Variants in KIF17 observed in about 807,000 individuals in gnomAD.
KIF17 encodes the protein kinesin-like protein KIF17.
Under a neutral mutation model 96.8 loss-of-function variants are expected in KIF17, and 80 were observed. The ratio of observed to expected loss-of-function variants is 0.83; its 90% confidence interval spans 0.69 to 1.00. The LOEUF (loss-of-function observed/expected upper bound fraction) is 1.00. Among genes scored for constraint, KIF17 ranks in the 50% least tolerant of loss-of-function variants. KIF17 has a pLI of 0.00. For synonymous variants in KIF17, 567 were observed against 587.5 expected, an observed-to-expected ratio of 0.97 and a Z score of 0.51; for missense variants, 1,280 against 1,372.9, an observed-to-expected ratio of 0.93 and a Z score of 1.07.
At chr1:20,698,150 G>T (rs1273703116) in intron 6 of KIF17, among the ~76,000 whole-genome samples, 1 of 152,194 alleles carries the variant, frequency 6.6e-6, no homozygotes, top group Non-Finnish European at 1.5e-5. Flanking sequence ...CCCTAAGGCG[G>T]CATTGAATGC....
chr1:20,711,333 A>G (rs2054432044), intron 3 of KIF17, among the ~76,000 whole-genome samples: 1 of 151,920 alleles, frequency 6.6e-6, no homozygotes, highest in Non-Finnish European at 1.5e-5. Flanking sequence ...CTGCTCCCAC[A>G]CTTGTGATGG....
chr1:20,688,090 G>A (rs978856676), intron 7 of KIF17, 146 bp from the exon 8 acceptor site: 36 of 695,812 alleles, frequency 5.2e-5, no homozygotes, highest in Middle Eastern at 7.9e-4. Flanking sequence ...TCTGTCGCCC[G>A]GGCTGGAGTG....
At chr1:20,662,251 G>A (rs1177626954), downstream of KIF17, among the ~76,000 whole-genome samples, 1 of 152,152 alleles carries the variant, frequency 6.6e-6, no homozygotes, top group East Asian at 1.9e-4. Context: ...ACCTCTTCTA[G>A]GTTAATACAG....
chr1:20,667,040 C>T lies in KIF17; in HGVS notation c.2791-709G>A, dbSNP rs72978880. Among the ~76,000 whole-genome samples, 1,314 of 152,248 alleles carry T rather than the reference C, an allele frequency of 8.6e-3. 15 individuals carry two copies. Among genetic ancestry groups the T allele is most frequent in the African/African-American group, 0.024 (1,001 of 41,520 alleles). On this transcript the variant is annotated intron_variant, in intron 13 of 14. Coordinates refer to ENST00000400463, the MANE Select transcript of KIF17 (RefSeq NM_001122819.3). ...AGGCAGAGCCAATCAGAATCTCTCCCCAAGCTCTAGTTTCAGGATGCTTTA... is the reference window on the plus strand; with the variant it reads ...AGGCAGAGCCAATCAGAATCTCTCCTCAAGCTCTAGTTTCAGGATGCTTTA...
rs947628817 is a variant in KIF17 at position 20,664,119 on chromosome 1, G to C, written c.*465C>G. ...CAGGAAGACCTGCTGTGGGACCCCT[G>C]TGCCACCCCATGGGGCAGGGCAGTG... On this transcript the variant is annotated 3_prime_UTR_variant, in exon 15 of 15. Transcript: ENST00000400463. 2 of 246,356 alleles carry C rather than the reference G, an allele frequency of 8.1e-6. No homozygotes were observed. The highest frequency in any genetic ancestry group is 5.6e-5 in the South Asian group (1 of 17,742). The allele number at this position is 246,356 out of a possible 1,614,324, so 15.3% of individuals were successfully genotyped here.
intron 3 of KIF17, among the ~76,000 whole-genome samples, chr1:20,710,734 G>T (rs1221246827): frequency 6.6e-6 from 1 of 152,158 alleles, no homozygotes; most frequent in Admixed American, 6.5e-5. Flanking sequence ...GTGGGTGGGG[G>T]TCGGGGCGAG....
At chr1:20,677,310 G>A (rs2053754886) in intron 11 of KIF17, among the ~76,000 whole-genome samples, 1 of 152,216 alleles carries the variant, frequency 6.6e-6, no homozygotes, top group African/African-American at 2.4e-5. Context: ...CAATCCTTAT[G>A]GAGGAGAAGT....
intron 12 of KIF17, among the ~76,000 whole-genome samples, chr1:20,671,112 T>C (rs1570432378): frequency 6.6e-6 from 1 of 152,144 alleles, no homozygotes; most frequent in East Asian, 1.9e-4. Context: ...TGGGTTTTGA[T>C]CCATGGTCCT....
intron 6 of KIF17, among the ~76,000 whole-genome samples, chr1:20,696,146 G>A (rs2054134198): frequency 6.6e-6 from 1 of 152,148 alleles, no homozygotes; most frequent in Admixed American, 6.5e-5. Context: ...ACGGACCCTA[G>A]GAATCTTCTG....
At chr1:20,702,841 T>C (rs531960105) in intron 5 of KIF17, among the ~76,000 whole-genome samples, 11 of 152,294 alleles carry the variant, frequency 7.2e-5, no homozygotes, top group African/African-American at 2.4e-4. Flanking sequence ...CTAGAGTGTG[T>C]CTCGTTGCAT....
chr1:20,663,663 G>A (rs1019136459), downstream of KIF17, among the ~76,000 whole-genome samples: 7 of 152,132 alleles, frequency 4.6e-5, no homozygotes, highest in Admixed American at 4.6e-4. Flanking sequence ...CCCCCTATGT[G>A]GGCACAAACA....
intron 5 of KIF17, among the ~76,000 whole-genome samples, chr1:20,701,239 G>C (rs937236750): frequency 6.6e-6 from 1 of 152,156 alleles, no homozygotes; most frequent in Non-Finnish European, 1.5e-5. Flanking sequence ...AGACCATCCT[G>C]GCTAACACGG....
chr1:20,682,920 T>C, intron 10 of KIF17, 36 bp from the exon 11 acceptor site: 1 of 1,577,460 alleles, frequency 6.3e-7, no homozygotes, highest in Non-Finnish European at 8.7e-7. Flanking sequence ...CAAGACAATA[T>C]CTGCCCATCA....
chr1:20,668,557 T>A (rs1318288466), intron 13 of KIF17, among the ~76,000 whole-genome samples: 1 of 152,384 alleles, frequency 6.6e-6, no homozygotes, highest in African/African-American at 2.4e-5. Context: ...AATCAAGCTC[T>A]AGACCACCAT....
intron 5 of KIF17, among the ~76,000 whole-genome samples, chr1:20,703,479 GAT>G: frequency 1.1e-5 from 1 of 94,198 alleles, no homozygotes; most frequent in African/African-American, 5.4e-5. Context: ...AGGATGGATA[GAT>G]GGATAGATGG....
intron 6 of KIF17, among the ~76,000 whole-genome samples, chr1:20,696,125 C>A (rs1187700311): frequency 6.6e-6 from 1 of 152,176 alleles, no homozygotes; most frequent in Non-Finnish European, 1.5e-5. Flanking sequence ...GATGGACTTG[C>A]AGAAGGCTGG....
chr1:20,712,908 A>AATATAGATAATATATTATCTATAT (rs1570485894), intron 3 of KIF17, among the ~76,000 whole-genome samples: 6 of 74,166 alleles, frequency 8.1e-5, no homozygotes, highest in East Asian at 6.5e-4. Flanking sequence ...TATCTATATT[A>AATATAGATAATATATTATCTATAT]TATATATAAT....
At chr1:20,710,394 A>C (rs376091337) in intron 3 of KIF17, among the ~76,000 whole-genome samples, 1 of 152,126 alleles carries the variant, frequency 6.6e-6, no homozygotes, top group South Asian at 2.1e-4. Context: ...AGGTGAGCCC[A>C]CTTGCTCCCC....
At chr1:20,715,741 C>G in intron 1 of KIF17, 102 bp from the exon 2 acceptor site, 13 of 1,379,992 alleles carry the variant, frequency 9.4e-6, no homozygotes, top group Non-Finnish European at 1.3e-5. Flanking sequence ...TCCTGGTCCC[C>G]CCACCAACAA....
Sources: allele counts gnomAD v4.1 joint callset (sites outside exome capture counted in the v4.1 genomes callset), GRCh38; gene constraint gnomAD v4.1.1; transcripts MANE v1.5; gene names NCBI Gene and HGNC (gene_info 2026-07-23, HGNC 2026-07-21).